Variants in TACR3 observed in about 807,000 individuals in gnomAD.
The protein encoded by TACR3 is neuromedin-K receptor.
A neutral mutation model predicts 35.0 loss-of-function variants in TACR3; 34 were observed. The ratio of observed to expected loss-of-function variants is 0.97; its 90% CI spans 0.74 to 1.30. TACR3 has a LOEUF of 1.30. Ranked by LOEUF, TACR3 falls within the 50% of genes most tolerant of loss-of-function variation. TACR3 has a pLI of 0.00. For missense variants in TACR3, 558 were observed against 591.7 expected, an observed-to-expected ratio of 0.94 and a Z score of 0.59; for synonymous variants, 233 against 221.1, an observed-to-expected ratio of 1.05 and a Z score of -0.48.
chr4:103,594,786 C>A (rs1168122322), intron 3 of TACR3, among the ~76,000 whole-genome samples: 4 of 151,990 alleles, frequency 2.6e-5, no homozygotes, highest in Non-Finnish European at 5.9e-5. Flanking sequence ...ATACAGAGGG[C>A]CTTTAGAACT....
rs529511140 is a variant in TACR3, at chr4:103,654,119, C to T, written c.888+2075G>A. Among the ~76,000 whole-genome samples the T allele has an allele frequency of 5.6e-4, 85 of 151,056 alleles. 1 individual carries two copies. In the South Asian group the frequency reaches 0.017, roughly 30 times the overall value. Reference sequence around the variant, plus strand: ...TGGTGGGACTGTAAACTAGTTCAGCCATTGTGGAAGTCAGTGTGGCGATTC... The same window carrying T: ...TGGTGGGACTGTAAACTAGTTCAGCTATTGTGGAAGTCAGTGTGGCGATTC... On this transcript the variant is annotated intron_variant, in intron 3 of 4. Coordinates refer to ENST00000304883, the MANE Select transcript of TACR3 (RefSeq NM_001059.3).
intron 1 of TACR3, among the ~76,000 whole-genome samples, chr4:103,702,930 T>A (rs1270097422): frequency 1.3e-5 from 2 of 148,390 alleles, no homozygotes; most frequent in Admixed American, 1.3e-4. Context: ...AGGGATAGCA[T>A]TAGGAGATAT....
intron 1 of TACR3, among the ~76,000 whole-genome samples, chr4:103,707,575 C>T (rs575540346): frequency 7.9e-5 from 12 of 152,206 alleles, no homozygotes; most frequent in Admixed American, 2.0e-4. Flanking sequence ...CCAGTGTGAG[C>T]GACGCAGAAG....
chr4:103,595,235 G>C (rs1723980327), intron 3 of TACR3, among the ~76,000 whole-genome samples: 1 of 152,108 alleles, frequency 6.6e-6, no homozygotes, highest in Admixed American at 6.6e-5. Flanking sequence ...GAATCAGGTG[G>C]TAAACTTTAA....
intron 3 of TACR3, among the ~76,000 whole-genome samples, chr4:103,607,746 C>A (rs1273345577): frequency 1.3e-5 from 2 of 151,988 alleles, no homozygotes; most frequent in Non-Finnish European, 2.9e-5. Context: ...GAGAAGTGGT[C>A]TAGATTAAGC....
chr4:103,669,978 T>A (rs1726021490), intron 1 of TACR3, among the ~76,000 whole-genome samples: 1 of 152,074 alleles, frequency 6.6e-6, no homozygotes, highest in African/African-American at 2.4e-5. Context: ...TAATTAATTT[T>A]TATTTGATTT....
chr4:103,629,013 G>A (rs939398986), intron 3 of TACR3, among the ~76,000 whole-genome samples: 11 of 152,102 alleles, frequency 7.2e-5, no homozygotes, highest in East Asian at 3.9e-4. Flanking sequence ...GTAATCCATC[G>A]TATACACAGA....
At chr4:103,622,584 C>A (rs1724807388) in intron 3 of TACR3, among the ~76,000 whole-genome samples, 1 of 152,110 alleles carries the variant, frequency 6.6e-6, no homozygotes, top group Admixed American at 6.5e-5. Context: ...ACAAAATTAG[C>A]CAGGCGTGGC....
intron 1 of TACR3, among the ~76,000 whole-genome samples, chr4:103,705,843 T>C (rs780350597): frequency 3.9e-5 from 6 of 152,188 alleles, no homozygotes; most frequent in East Asian, 1.9e-4. Flanking sequence ...ATTAGGCCAA[T>C]TGAATTATCT....
At chr4:103,599,404 A>G (rs1192915390) in intron 3 of TACR3, among the ~76,000 whole-genome samples, 27 of 152,238 alleles carry the variant, frequency 1.8e-4, no homozygotes, top group Admixed American at 7.2e-4. Flanking sequence ...CTGCAAACAG[A>G]GACAATTTGA....
At chr4:103,688,711 A>G (rs1339977159) in intron 1 of TACR3, among the ~76,000 whole-genome samples, 2 of 151,390 alleles carry the variant, frequency 1.3e-5, no homozygotes, top group Non-Finnish European at 2.9e-5. Flanking sequence ...ATCATCTCAC[A>G]CCAGTTAGAA....
intron 1 of TACR3, among the ~76,000 whole-genome samples, chr4:103,678,330 C>T (rs1264414191): frequency 1.3e-5 from 2 of 151,906 alleles, no homozygotes; most frequent in African/African-American, 4.8e-5. Context: ...TGATGGTGGC[C>T]AACAAGCATG....
intron 3 of TACR3, among the ~76,000 whole-genome samples, chr4:103,632,979 A>G (rs1725100428): frequency 6.6e-6 from 1 of 152,124 alleles, no homozygotes; most frequent in Non-Finnish European, 1.5e-5. Flanking sequence ...TAGTGAGTAC[A>G]TATTGTAAAA....
chr4:103,683,684 T>C (rs1722160108), intron 1 of TACR3, among the ~76,000 whole-genome samples: 1 of 151,970 alleles, frequency 6.6e-6, no homozygotes, highest in African/African-American at 2.4e-5. Context: ...TTCCAAAATA[T>C]GAATCTCTAG....
intron 1 of TACR3, among the ~76,000 whole-genome samples, chr4:103,677,804 A>G (rs576447532): frequency 2.0e-5 from 3 of 152,096 alleles, no homozygotes; most frequent in Non-Finnish European, 4.4e-5. Flanking sequence ...GCAAACCACC[A>G]TGGTACAAGT....
chr4:103,714,738 A>C (rs911827866), intron 1 of TACR3, among the ~76,000 whole-genome samples: 3 of 152,146 alleles, frequency 2.0e-5, no homozygotes, highest in African/African-American at 7.2e-5. Flanking sequence ...CAAATTAAAG[A>C]CCGAAAAAGG....
At position 103,587,603 on chromosome 4, in the gene TACR3, T is replaced by G. The variant is rs1302771648; in HGVS notation, c.*2079A>C. 1 of 152,070 alleles carries G rather than the reference T, an allele frequency of 6.6e-6. No homozygotes were observed. Among genetic ancestry groups the G allele is most frequent in the Non-Finnish European group, 1.5e-5 (1 of 67,998 alleles). 9.4% of individuals were successfully genotyped at this position (152,070 alleles called of 1,614,324 possible). On this transcript the variant is annotated 3_prime_UTR_variant, in exon 5 of 5. Coordinates refer to ENST00000304883, the MANE Select transcript of TACR3 (RefSeq NM_001059.3). ...ATACTTTGGTAGTGGCTGATGACATTAAATTTGAGGGCTAAACTTCATATT... is the reference window on the plus strand; with the variant it reads ...ATACTTTGGTAGTGGCTGATGACATGAAATTTGAGGGCTAAACTTCATATT...
In TACR3 at chr4:103,702,655, T is replaced by C. The variant is rs548809960; in HGVS notation, c.548+16473A>G. On this transcript the variant is annotated intron_variant, in intron 1 of 4. Transcript: ENST00000304883. ...AGCAAAGACTTGGAACCAACCCAAA[T>C]GTCAAACAATGATGGACTGGATTAA... Among the ~76,000 whole-genome samples, 19 of 152,150 alleles carry C rather than the reference T, an allele frequency of 1.2e-4. No individual in the cohort carries two copies. The South Asian group carries it at 3.9e-3, about 32-fold the overall frequency.
chr4:103,591,582 T>C lies in TACR3; in HGVS notation c.990A>G (p.Arg330=). 6.2e-7 allele frequency: 1 copy of C among 1,613,890 alleles called. No homozygotes were observed. The highest frequency in any genetic ancestry group is 8.5e-7 in the Non-Finnish European group (1 of 1,179,862). Reference sequence around the variant, plus strand: ...GGTAGACCTGCTGGATGTATTTCCATCTATTTAGTTGTTGATAGATTGCAG... The same window carrying C: ...GGTAGACCTGCTGGATGTATTTCCACCTATTTAGTTGTTGATAGATTGCAG... The part of the protein sequence containing the change: ...ILTAIYQQLN[R]WKYIQQVYLA... Residue 330 remains arginine (R), a synonymous_variant, in exon 4 of 5, where the codon AGA becomes AGG. Transcript: ENST00000304883.
Sources: allele counts gnomAD v4.1 joint callset (sites outside exome capture counted in the v4.1 genomes callset), GRCh38; gene constraint gnomAD v4.1.1; transcripts MANE v1.5; gene names NCBI Gene and HGNC (gene_info 2026-07-23, HGNC 2026-07-21).